Variants in SIRT1 observed in about 807,000 individuals in gnomAD.
The protein encoded by SIRT1 is NAD-dependent protein deacetylase sirtuin-1.
SIRT1 carries 24 observed loss-of-function variants against 67.9 expected under a neutral mutation model. The observed-to-expected ratio is 0.35, with a 90% CI of 0.26 to 0.50. The LOEUF (loss-of-function observed/expected upper bound fraction) is 0.50, where lower values mean the gene tolerates loss of function less well. SIRT1 is among the 20% of genes least tolerant of loss of function. The probability of loss-of-function intolerance (pLI) is 0.98; values close to 1 mark genes in which losing one functional copy is unlikely to be tolerated. For missense variants in SIRT1, 873 were observed against 937.2 expected, an observed-to-expected ratio of 0.93 and a Z score of 0.89; for synonymous variants, 378 against 350.7, an observed-to-expected ratio of 1.08 and a Z score of -0.87.
chr10:67,891,052 AAAAG>A (rs1334343214), intron 3 of SIRT1, among the ~76,000 whole-genome samples: 20 of 151,888 alleles, frequency 1.3e-4, no homozygotes, highest in South Asian at 6.2e-4. Context: ...AACAAAAAAA[AAAAG>A]AAAAAATTCT....
chr10:67,896,104 G>C (rs898032231), intron 4 of SIRT1, among the ~76,000 whole-genome samples: 23 of 152,186 alleles, frequency 1.5e-4, no homozygotes, highest in Admixed American at 1.5e-3. Flanking sequence ...TTATTGCTCT[G>C]TTAGAGCAGT....
rs370751473 is a variant in SIRT1, at chr10:67,889,169, T to G, written c.789+46T>G. ...GGGAGGTCGTATATGTATTTTCTTA[T>G]GCCTTTTCCAAGTAGGAAACATTTT... On this transcript the variant is annotated intron_variant, in intron 3 of 8. Coordinates refer to ENST00000212015, the MANE Select transcript of SIRT1 (RefSeq NM_012238.5). The G allele has an allele frequency of 3.3e-6, 5 of 1,518,706 alleles. No homozygotes were observed. The South Asian group carries it at 3.9e-5, about 12-fold the overall frequency. 94.1% of individuals were successfully genotyped at this position (1,518,706 alleles called of 1,614,324 possible). A position where few individuals can be genotyped will look rare whatever the true frequency, so the allele number is the denominator to read the frequency against.
intron 2 of SIRT1, among the ~76,000 whole-genome samples, chr10:67,888,658 T>C (rs764535307): frequency 2.2e-4 from 34 of 152,322 alleles, no homozygotes; most frequent in Middle Eastern, 6.8e-3. Context: ...TCTTGAAATA[T>C]ATACTTACAG....
intron 4 of SIRT1, 112 bp downstream of exon 4, chr10:67,891,666 T>C: frequency 2.8e-6 from 3 of 1,056,370 alleles, no homozygotes; most frequent in Non-Finnish European, 4.2e-6. Flanking sequence ...TGAATGCTGC[T>C]ACTGTGGCGG....
intron 4 of SIRT1, among the ~76,000 whole-genome samples, chr10:67,897,231 C>G (rs999295022): frequency 6.6e-6 from 1 of 151,096 alleles, no homozygotes; most frequent in Admixed American, 6.6e-5. Flanking sequence ...TGGATTCTTT[C>G]ACACAAGAAC....
At chr10:67,903,791 G>A (rs1842779408) in intron 4 of SIRT1, among the ~76,000 whole-genome samples, 1 of 152,190 alleles carries the variant, frequency 6.6e-6, no homozygotes, top group Non-Finnish European at 1.5e-5. Context: ...TGAAAGCAGG[G>A]TTTGTTTTAA....
intron 4 of SIRT1, among the ~76,000 whole-genome samples, chr10:67,904,168 C>T (rs1355283504): frequency 1.3e-5 from 2 of 149,382 alleles, no homozygotes; most frequent in African/African-American, 4.9e-5. Flanking sequence ...ACTCTGTCAC[C>T]CAGGCTGGAG....
chr10:67,887,058 G>A (rs889530757), intron 1 of SIRT1, among the ~76,000 whole-genome samples: 6 of 152,062 alleles, frequency 3.9e-5, no homozygotes, highest in African/African-American at 1.4e-4. Context: ...TATTAGTAGA[G>A]ACGAGATTTC....
chr10:67,905,964 C>T lies in SIRT1; in HGVS notation c.943-826C>T, dbSNP rs1050767374. 9 of 298,340 alleles carry T rather than the reference C, an allele frequency of 3.0e-5. No homozygotes were observed. In the Admixed American group the frequency reaches 4.1e-4, roughly 14 times the overall value. The allele number at this position is 298,340 out of a possible 1,614,324, so 18.5% of individuals were successfully genotyped here. On this transcript the variant is annotated intron_variant, in intron 4 of 8. Transcript: ENST00000212015. Reference sequence around the variant, plus strand: ...TTGCTAGCATTGTGATAGATTAGAGCCTGTAATGAATGGTAAGGAAGTAAG... The same window carrying T: ...TTGCTAGCATTGTGATAGATTAGAGTCTGTAATGAATGGTAAGGAAGTAAG...
intron 4 of SIRT1, among the ~76,000 whole-genome samples, chr10:67,894,157 T>C (rs1044129853): frequency 6.6e-6 from 1 of 152,196 alleles, no homozygotes; most frequent in African/African-American, 2.4e-5. Context: ...GGTTGTGGTA[T>C]ATTAAATGGG....
chr10:67,912,348 C>A, intron 7 of SIRT1, 126 bp from the exon 8 acceptor site: 1 of 759,018 alleles, frequency 1.3e-6, no homozygotes, highest in Non-Finnish European at 2.1e-6. Context: ...GTATTTAGTG[C>A]ATGGGTCTTT....
chr10:67,906,214 C>A, intron 4 of SIRT1: 1 of 1,479,246 alleles, frequency 6.8e-7, no homozygotes, highest in Non-Finnish European at 9.0e-7. Flanking sequence ...ACACAAAATC[C>A]AGCAACTCAG....
chr10:67,896,407 G>A (rs1468217091), intron 4 of SIRT1, among the ~76,000 whole-genome samples: 8 of 152,200 alleles, frequency 5.3e-5, no homozygotes, highest in Non-Finnish European at 7.3e-5. Context: ...GCCTTACAGA[G>A]TGTCGGGATT....
intron 4 of SIRT1, among the ~76,000 whole-genome samples, chr10:67,896,791 G>A (rs1227668472): frequency 7.3e-6 from 1 of 137,264 alleles, no homozygotes; most frequent in Non-Finnish European, 1.5e-5. Context: ...AAAAAAATTC[G>A]CTGGTCTCCA....
At chr10:67,911,616 T>G (rs12355625) in intron 7 of SIRT1, among the ~76,000 whole-genome samples, 1 of 35,146 alleles carries the variant, frequency 2.8e-5, no homozygotes, top group East Asian at 1.5e-3. Context: ...CCTCCCCCCC[T>G]CCCCTCCCTC....
intron 1 of SIRT1, 41 bp downstream of exon 1, chr10:67,885,192 T>G (rs1395565072): frequency 1.5e-6 from 2 of 1,305,546 alleles, no homozygotes; most frequent in East Asian, 6.2e-5. Context: ...CATCTCCTCC[T>G]CCCTCTCCCC....
chr10:67,903,998 T>C (rs1258767210), intron 4 of SIRT1, among the ~76,000 whole-genome samples: 1 of 152,196 alleles, frequency 6.6e-6, no homozygotes, highest in Non-Finnish European at 1.5e-5. Context: ...ATCCATATTC[T>C]ATCTGTAAGT....
chr10:67,905,953 ATAGAT>A (rs1842814954), intron 4 of SIRT1: 1 of 270,646 alleles, frequency 3.7e-6, no homozygotes, highest in Non-Finnish European at 6.7e-6. Context: ...TAGCATTGTG[ATAGAT>A]TAGAGCCTGT....
chr10:67,893,499 A>G (rs1328059672), intron 4 of SIRT1, among the ~76,000 whole-genome samples: 1 of 151,068 alleles, frequency 6.6e-6, no homozygotes, highest in African/African-American at 2.4e-5. Context: ...AGAAGTTGTG[A>G]ATAGGGACTT....
Sources: allele counts gnomAD v4.1 joint callset (sites outside exome capture counted in the v4.1 genomes callset), GRCh38; gene constraint gnomAD v4.1.1; transcripts MANE v1.5; gene names NCBI Gene and HGNC (gene_info 2026-07-23, HGNC 2026-07-21).